NEK7: variants seen among roughly 807,000 people sequenced by gnomAD.
The protein encoded by NEK7 is serine/threonine-protein kinase Nek7.
NEK7 carries 18 observed loss-of-function variants against 44.6 expected under a neutral mutation model. The ratio of observed to expected loss-of-function variants is 0.40; its 90% confidence interval spans 0.28 to 0.60. The LOEUF is 0.60. Ranked by LOEUF, NEK7 falls within the 20% of genes least tolerant of loss-of-function variation. The pLI is 0.38. For synonymous variants in NEK7, 130 were observed against 121.1 expected (o/e 1.07, Z -0.48); for missense variants, 256 against 366.5 (o/e 0.70, Z 2.46).
At chr1:198,229,253 G>A (rs1457251570) in intron 1 of NEK7, among the ~76,000 whole-genome samples, 1 of 152,202 alleles carries the variant, frequency 6.6e-6, no homozygotes. Context: ...GGAGGTTCCT[G>A]GAGTGTGGTG....
chr1:198,316,914 C>T (rs1655387429), intron 9 of NEK7, among the ~76,000 whole-genome samples: 1 of 152,180 alleles, frequency 6.6e-6, no homozygotes. Context: ...TGGACAGGTC[C>T]TTTGTCTTAT....
rs373481611 is a variant in NEK7, at chr1:198,194,151, A to AT, written c.-29+36880dup. On this transcript the variant is annotated intron_variant, in intron 1 of 9. Coordinates refer to ENST00000367385, the MANE Select transcript of NEK7 (RefSeq NM_133494.3). Reference sequence around the variant, plus strand: ...AATACAAAATCACTTTTGGATACTGATTTTTATGAACTTTATTGGAAATCC... The same window carrying AT: ...AATACAAAATCACTTTTGGATACTGATTTTTTATGAACTTTATTGGAAATCC... Among the ~76,000 whole-genome samples the AT allele has an allele frequency of 4.1e-4, 62 of 152,284 alleles. 1 individual carries two copies. Among genetic ancestry groups the AT allele is most frequent in the African/African-American group, 1.5e-3 (61 of 41,578 alleles).
chr1:198,159,039 G>A (rs951638252), intron 1 of NEK7, among the ~76,000 whole-genome samples: 1 of 152,190 alleles, frequency 6.6e-6, no homozygotes, highest in South Asian at 2.1e-4. Context: ...TGTGTGCGGG[G>A]GTAGTGTTAA....
intron 9 of NEK7, among the ~76,000 whole-genome samples, chr1:198,313,348 G>A (rs542197698): frequency 0.012 from 1,813 of 150,914 alleles, 27 homozygotes; most frequent in Non-Finnish European, 0.014. Flanking sequence ...CATGTGAGAT[G>A]GGTTTCCTGA....
chr1:198,158,233 C>T (rs773175245), intron 1 of NEK7, among the ~76,000 whole-genome samples: 1 of 152,184 alleles, frequency 6.6e-6, no homozygotes, highest in Non-Finnish European at 1.5e-5. Flanking sequence ...ATACATGTTA[C>T]TGTCCTTGCG....
intron 9 of NEK7, among the ~76,000 whole-genome samples, chr1:198,301,249 G>A (rs1654871683): frequency 6.6e-6 from 1 of 152,188 alleles, no homozygotes; most frequent in Non-Finnish European, 1.5e-5. Flanking sequence ...CTCAGTGGTT[G>A]CTTTAGCATA....
At chr1:198,306,673 A>G (rs1655033615) in intron 9 of NEK7, among the ~76,000 whole-genome samples, 2 of 152,168 alleles carry the variant, frequency 1.3e-5, no homozygotes, top group Admixed American at 1.3e-4. Flanking sequence ...TTAGTCTTAC[A>G]AGAGACTATT....
intron 9 of NEK7, among the ~76,000 whole-genome samples, chr1:198,313,546 A>C (rs1470160011): frequency 7.6e-6 from 1 of 132,436 alleles, no homozygotes; most frequent in Non-Finnish European, 1.5e-5. Context: ...GATGGTCTTT[A>C]CATTTTGGGA....
chr1:198,265,460 A>C (rs1653617400), intron 5 of NEK7, among the ~76,000 whole-genome samples: 2 of 152,152 alleles, frequency 1.3e-5, no homozygotes, highest in African/African-American at 4.8e-5. Context: ...AAAGGTTCAT[A>C]GAGGGAAGAA....
At chr1:198,304,267 C>T (rs1654967451) in intron 9 of NEK7, among the ~76,000 whole-genome samples, 1 of 152,178 alleles carries the variant, frequency 6.6e-6, no homozygotes, top group Non-Finnish European at 1.5e-5. Flanking sequence ...GAAATATAGA[C>T]ATTACATTAC....
intron 1 of NEK7, among the ~76,000 whole-genome samples, chr1:198,186,098 GTTAC>G (rs953869776): frequency 6.6e-6 from 1 of 152,166 alleles, no homozygotes; most frequent in African/African-American, 2.4e-5. Flanking sequence ...TAATGGTCAT[GTTAC>G]TTAACTTATG....
At chr1:198,159,222 G>C (rs1235704071) in intron 1 of NEK7, among the ~76,000 whole-genome samples, 2 of 152,272 alleles carry the variant, frequency 1.3e-5, no homozygotes, top group African/African-American at 2.4e-5. Flanking sequence ...CCCTGGGCTC[G>C]GAGAAGGCCG....
intron 5 of NEK7, among the ~76,000 whole-genome samples, chr1:198,270,901 A>C (rs934500409): frequency 2.6e-5 from 4 of 152,098 alleles, no homozygotes; most frequent in African/African-American, 9.6e-5. Context: ...TCAAGGTGCC[A>C]TCTGGGGCTG....
chr1:198,215,605 T>C lies in NEK7; in HGVS notation c.-28-16948T>C, dbSNP rs557749419. Among the ~76,000 whole-genome samples, 13 of 152,256 alleles carry C rather than the reference T, an allele frequency of 8.5e-5. No individual in the cohort carries two copies. The South Asian group carries it at 2.5e-3, about 29-fold the overall frequency. Reference sequence around the variant, plus strand: ...GATTGGACACCTCTTAACTAAAAGATACAGATTGGCAGAATGGATAAAATA... The same window carrying C: ...GATTGGACACCTCTTAACTAAAAGACACAGATTGGCAGAATGGATAAAATA... On this transcript the variant is annotated intron_variant, in intron 1 of 9. Coordinates refer to ENST00000367385, the MANE Select transcript of NEK7 (RefSeq NM_133494.3).
At chr1:198,309,029 A>C (rs1655095322) in intron 9 of NEK7, among the ~76,000 whole-genome samples, 1 of 152,200 alleles carries the variant, frequency 6.6e-6, no homozygotes, top group South Asian at 2.1e-4. Flanking sequence ...AATAGAAGAA[A>C]ACAGACATTT....
At chr1:198,272,401 C>G (rs1653881080) in intron 5 of NEK7, among the ~76,000 whole-genome samples, 1 of 151,764 alleles carries the variant, frequency 6.6e-6, no homozygotes, top group South Asian at 2.1e-4. Flanking sequence ...GATACAGACA[C>G]CATTATGCTA....
intron 1 of NEK7, among the ~76,000 whole-genome samples, chr1:198,172,005 A>G (rs1032702019): frequency 6.6e-6 from 1 of 152,164 alleles, no homozygotes; most frequent in African/African-American, 2.4e-5. Context: ...CTGTTTCTGT[A>G]TGTCTCCTCT....
intron 9 of NEK7, among the ~76,000 whole-genome samples, chr1:198,310,445 T>G (rs373719209): frequency 7.4e-5 from 11 of 149,176 alleles, no homozygotes; most frequent in African/African-American, 1.7e-4. Context: ...CTCTTTAGTT[T>G]AATTAGATCC....
intron 1 of NEK7, among the ~76,000 whole-genome samples, chr1:198,228,919 TGA>T (rs1666307081): frequency 6.6e-6 from 1 of 152,200 alleles, no homozygotes; most frequent in Non-Finnish European, 1.5e-5. Flanking sequence ...ATAGGAGTGG[TGA>T]GAGAGGGCAT....
Sources: allele counts gnomAD v4.1 joint callset (sites outside exome capture counted in the v4.1 genomes callset), GRCh38; gene constraint gnomAD v4.1.1; transcripts MANE v1.5; gene names NCBI Gene and HGNC (gene_info 2026-07-23, HGNC 2026-07-21).